Variants in DPP6 observed in about 807,000 individuals in gnomAD.
DPP6 encodes the protein A-type potassium channel modulatory protein DPP6.
DPP6 carries 69 observed loss-of-function variants against 122.6 expected under a neutral mutation model. That is an observed-to-expected ratio of 0.56 (90% CI 0.46 to 0.69). DPP6 has a LOEUF of 0.69. Among genes scored for constraint, DPP6 ranks in the 30% least tolerant of loss-of-function variants. The pLI, the probability that DPP6 is intolerant of heterozygous loss-of-function variation, is 0.00. For synonymous variants in DPP6, 418 were observed against 433.1 expected (o/e 0.97, Z 0.43); for missense variants, 928 against 1,116.9 (o/e 0.83, Z 2.41).
the DPP6 span, among the ~76,000 whole-genome samples, chr7:153,874,277 C>CACACACACAT: frequency 6.6e-6 from 1 of 151,952 alleles, no homozygotes; most frequent in African/African-American, 2.4e-5. Context: ...CACACACACA[C>CACACACACAT]ACAGACACAC....
chr7:154,803,832 T>C, intron 13 of DPP6, 32 bp from the exon 14 acceptor site: 1 of 1,605,558 alleles, frequency 6.2e-7, no homozygotes, highest in Non-Finnish European at 8.5e-7. Context: ...GACACCGGTG[T>C]CTGCTCCTGA....
rs202022604 is a variant in DPP6, at chr7:153,964,983, CCTTCCTTCCTTCCTTT to C, written c.51+77265_51+77280del. On this transcript the variant is annotated intron_variant, in intron 1 of 25. Coordinates refer to the DPP6 transcript ENST00000404039. ...TTCTTTCTTTCATTTCTTTTCCCTT[CCTTCCTTCCTTCCTTT>C]CTTCCTTCCTTCCTTCCTTCCTTCC... 2.8e-3 allele frequency among the ~76,000 whole-genome samples: 173 copies of C among 61,376 alleles called. 10 individuals are homozygous for C. Among genetic ancestry groups the C allele is most frequent in the African/African-American group, 0.012 (153 of 12,386 alleles). The allele number at this position is 61,376 out of a possible 152,430, so 40.3% of individuals were successfully genotyped here. A position where few individuals can be genotyped will look rare whatever the true frequency, so the allele number is the denominator to read the frequency against.
chr7:154,458,115 A>G (rs73169377), intron 2 of DPP6, among the ~76,000 whole-genome samples: 19,612 of 152,144 alleles, frequency 0.13, 1,567 homozygotes, highest in South Asian at 0.26. Context: ...GGAAGAGACA[A>G]AGAACAGATG....
chr7:154,215,302 T>TC (rs1382372855), intron 1 of DPP6, among the ~76,000 whole-genome samples: 2 of 151,840 alleles, frequency 1.3e-5, no homozygotes, highest in Non-Finnish European at 1.5e-5. Flanking sequence ...ATGGGAAACC[T>TC]CCCCCGTAAT....
At chr7:153,925,625 C>T (rs1190771221) in intron 1 of DPP6, among the ~76,000 whole-genome samples, 1 of 151,828 alleles carries the variant, frequency 6.6e-6, no homozygotes, top group African/African-American at 2.4e-5. Context: ...GGTAGAAGGT[C>T]CCTGAGGTTC....
intron 1 of DPP6, among the ~76,000 whole-genome samples, chr7:154,226,779 A>G (rs1419193662): frequency 1.3e-5 from 2 of 152,162 alleles, no homozygotes; most frequent in African/African-American, 4.8e-5. Context: ...TTTTGGTGGT[A>G]TGTGATCTTC....
At chr7:154,577,163 G>T (rs1435720257) in intron 5 of DPP6, among the ~76,000 whole-genome samples, 1 of 152,132 alleles carries the variant, frequency 6.6e-6, no homozygotes, top group Non-Finnish European at 1.5e-5. Context: ...TTAGGAGGGG[G>T]ACAGAGAGCC....
intron 1 of DPP6, among the ~76,000 whole-genome samples, chr7:154,002,097 C>G (rs1797716513): frequency 6.6e-6 from 1 of 152,196 alleles, no homozygotes; most frequent in Non-Finnish European, 1.5e-5. Flanking sequence ...TCAAAAAGCA[C>G]TTTAAGGAAA....
At chr7:154,638,405 ACCCATCACT>A (rs1253242493) in intron 6 of DPP6, among the ~76,000 whole-genome samples, 2 of 152,106 alleles carry the variant, frequency 1.3e-5, no homozygotes, top group Non-Finnish European at 2.9e-5. Flanking sequence ...GTGCTGCTCT[ACCCATCACT>A]CCGAGGGGGT....
chr7:154,347,796 G>C (rs1255917265), intron 1 of DPP6, among the ~76,000 whole-genome samples: 2 of 152,196 alleles, frequency 1.3e-5, no homozygotes, highest in African/African-American at 2.4e-5. Context: ...TTACCACAAA[G>C]TAGTTTTCTT....
chr7:153,846,687 C>CTTTTTTTT, the DPP6 span, among the ~76,000 whole-genome samples: 8 of 78,206 alleles, frequency 1.0e-4, no homozygotes, highest in Admixed American at 1.8e-4. Flanking sequence ...TGGCTTGGTT[C>CTTTTTTTT]TTTTTTTTTT....
chr7:154,062,630 T>G (rs1325016608), intron 1 of DPP6, among the ~76,000 whole-genome samples: 9 of 36,776 alleles, frequency 2.4e-4, no homozygotes, highest in Non-Finnish European at 3.8e-4. Flanking sequence ...CACTGGCTCT[T>G]AGGACCCCCA....
chr7:154,013,774 A>G (rs1055345629), intron 1 of DPP6, among the ~76,000 whole-genome samples: 1 of 151,790 alleles, frequency 6.6e-6, no homozygotes, highest in Non-Finnish European at 1.5e-5. Flanking sequence ...TCATGTTTCT[A>G]TTTGTTTAGG....
At chr7:153,955,833 C>G (rs6945652) in intron 1 of DPP6, among the ~76,000 whole-genome samples, 3,832 of 152,128 alleles carry the variant, frequency 0.025, 167 homozygotes, top group African/African-American at 0.087. Flanking sequence ...GGGATTTGAA[C>G]TCAGTAAGTA....
At chr7:154,197,029 A>G (rs1175209661) in intron 1 of DPP6, among the ~76,000 whole-genome samples, 1 of 151,944 alleles carries the variant, frequency 6.6e-6, no homozygotes, top group Non-Finnish European at 1.5e-5. Context: ...TCTTCTCCCC[A>G]TAAAGTCTCC....
At chr7:154,054,616 C>T (rs1389132432) in intron 1 of DPP6, among the ~76,000 whole-genome samples, 1 of 151,960 alleles carries the variant, frequency 6.6e-6, no homozygotes, top group Admixed American at 6.6e-5. Context: ...GTGGGCCAAG[C>T]CCTGAGGGAA....
At chr7:154,231,404 G>A (rs1181546054) in intron 1 of DPP6, among the ~76,000 whole-genome samples, 2 of 152,142 alleles carry the variant, frequency 1.3e-5, no homozygotes, top group Admixed American at 6.5e-5. Context: ...GACATCAGGA[G>A]CCTCCCTAGG....
intron 3 of DPP6, among the ~76,000 whole-genome samples, chr7:154,520,304 A>G (rs1271284435): frequency 6.6e-6 from 1 of 152,208 alleles, no homozygotes; most frequent in Non-Finnish European, 1.5e-5. Flanking sequence ...TTTATCTTCC[A>G]AGATCACCTA....
chr7:154,848,683 A>G (rs985287571), intron 16 of DPP6, among the ~76,000 whole-genome samples: 3 of 152,050 alleles, frequency 2.0e-5, no homozygotes, highest in African/African-American at 7.2e-5. Context: ...CCGTTCACCT[A>G]GCTTTGCTTT....
Sources: gnomAD v4.1 joint callset for allele counts (sites outside exome capture counted in the v4.1 genomes callset) on GRCh38, gnomAD v4.1.1 for gene constraint, MANE v1.5 for transcripts, NCBI Gene and HGNC (gene_info 2026-07-23, HGNC 2026-07-21) for gene names.